Variants in SYNCRIP observed in about 807,000 individuals in gnomAD.
SYNCRIP encodes the protein heterogeneous nuclear ribonucleoprotein Q.
A neutral mutation model predicts 68.9 loss-of-function variants in SYNCRIP; 9 were observed. The ratio of observed to expected loss-of-function variants is 0.13; its 90% CI spans 0.08 to 0.23. The LOEUF is 0.23. Among genes scored for constraint, SYNCRIP ranks in the 10% least tolerant of loss-of-function variants. The pLI is 1.00. For missense variants in SYNCRIP, 414 were observed against 770.6 expected (o/e 0.54, Z 5.48); for synonymous variants, 258 against 254.0 (o/e 1.02, Z -0.15).
In SYNCRIP at chr6:85,637,598, T is replaced by C. The variant is rs1010982568; in HGVS notation, c.376-242A>G. ...TTCTAGTCTCCACTTAATTACTGAA[T>C]AGTGTGCTTAATGGACAACAAAAAG... On this transcript the variant is annotated intron_variant, in intron 4 of 10. Coordinates refer to ENST00000369622, the MANE Select transcript of SYNCRIP (RefSeq NM_006372.5). Among the ~76,000 whole-genome samples, 8 of 152,362 alleles carry C rather than the reference T, an allele frequency of 5.3e-5. No individual in the cohort carries two copies. In the South Asian group the frequency reaches 1.2e-3, roughly 24 times the overall value.
At chr6:85,638,719 C>CTT (rs1808775389) in intron 4 of SYNCRIP, among the ~76,000 whole-genome samples, 1 of 152,174 alleles carries the variant, frequency 6.6e-6, no homozygotes, top group African/African-American at 2.4e-5. Context: ...ATAACATAAA[C>CTT]TAAATGAGTA....
intron 6 of SYNCRIP, among the ~76,000 whole-genome samples, chr6:85,626,347 A>C (rs1329264041): frequency 6.6e-6 from 1 of 152,214 alleles, no homozygotes; most frequent in African/African-American, 2.4e-5. Context: ...TCATGCAATC[A>C]GTAATTCTAG....
At chr6:85,619,193 TA>T (rs1687630985) in intron 9 of SYNCRIP, 74 bp downstream of exon 9, 3 of 1,574,012 alleles carry the variant, frequency 1.9e-6, no homozygotes, top group Admixed American at 3.9e-5. Context: ...CTCCAATTTG[TA>T]AAACTATTTT....
chr6:85,624,445 A>G (rs1295438186), intron 6 of SYNCRIP, among the ~76,000 whole-genome samples: 1 of 152,230 alleles, frequency 6.6e-6, no homozygotes, highest in African/African-American at 2.4e-5. Context: ...AGGAAAACTG[A>G]TCCCAAGATC....
Position 85,622,699 on chromosome 6 carries a change from C to A in SYNCRIP, c.803-12G>T. 6.2e-7 allele frequency: 1 copy of A among 1,608,746 alleles called. No homozygotes were observed. The highest frequency in any genetic ancestry group is 8.5e-7 in the Non-Finnish European group (1 of 1,175,750). Reference sequence around the variant, plus strand: ...GTCTGTAAGACCCTCTGCAAGTAAGCAACCATTCCAGGAAAATTAGATGAA... The same window carrying A: ...GTCTGTAAGACCCTCTGCAAGTAAGAAACCATTCCAGGAAAATTAGATGAA... On this transcript the variant is annotated splice_polypyrimidine_tract_variant and intron_variant, in intron 7 of 10. Coordinates refer to ENST00000369622, the MANE Select transcript of SYNCRIP (RefSeq NM_006372.5).
chr6:85,625,650 T>C (rs752969586), intron 6 of SYNCRIP, among the ~76,000 whole-genome samples: 13 of 152,144 alleles, frequency 8.5e-5, no homozygotes, highest in Non-Finnish European at 1.6e-4. Flanking sequence ...CCTCCCAAAG[T>C]GCTGGGATTA....
chr6:85,632,443 G>T (rs190706795), intron 6 of SYNCRIP, among the ~76,000 whole-genome samples: 1 of 152,298 alleles, frequency 6.6e-6, no homozygotes, highest in Non-Finnish European at 1.5e-5. Context: ...AGCTTCCAAA[G>T]TATGCGCCCT....
chr6:85,641,234 A>C, intron 2 of SYNCRIP, 58 bp downstream of exon 2: 1 of 1,496,034 alleles, frequency 6.7e-7, no homozygotes, highest in South Asian at 1.2e-5. Context: ...TTTTAGCTCA[A>C]AGCCAGAAAT....
intron 8 of SYNCRIP, 111 bp downstream of exon 8, chr6:85,622,371 G>T: frequency 9.5e-7 from 1 of 1,051,270 alleles, no homozygotes; most frequent in Non-Finnish European, 1.4e-6. Context: ...AGAGACTCTT[G>T]TCTCAAAAAA....
chr6:85,619,164 C>T (rs1336509846), intron 9 of SYNCRIP, 104 bp downstream of exon 9: 1 of 1,483,778 alleles, frequency 6.7e-7, no homozygotes, highest in South Asian at 1.2e-5. Flanking sequence ...GAATGGATTC[C>T]ATGGACTTCC....
At chr6:85,623,562 C>CAAAAAAAAA (rs67258131) in intron 7 of SYNCRIP, among the ~76,000 whole-genome samples, 55 of 63,260 alleles carry the variant, frequency 8.7e-4, no homozygotes, top group South Asian at 1.3e-3. Context: ...AGACTGTCTC[C>CAAAAAAAAA]AAAAAAAAAA....
chr6:85,638,286 T>C (rs373149941), intron 4 of SYNCRIP, among the ~76,000 whole-genome samples: 74 of 144,676 alleles, frequency 5.1e-4, no homozygotes, highest in African/African-American at 1.7e-3. Context: ...GGCAGAGAAC[T>C]GCTTAAACGC....
downstream of SYNCRIP, chr6:85,613,068 A>C: frequency 2.1e-6 from 2 of 936,684 alleles, no homozygotes; most frequent in Middle Eastern, 3.5e-4. Flanking sequence ...TTTAATAACT[A>C]TGAACTTCTT....
downstream of SYNCRIP, among the ~76,000 whole-genome samples, chr6:85,613,409 C>T (rs1431028119): frequency 6.6e-6 from 1 of 152,134 alleles, no homozygotes; most frequent in Admixed American, 6.6e-5. Flanking sequence ...ACTTTATTGT[C>T]AGGTATAATA....
intron 6 of SYNCRIP, among the ~76,000 whole-genome samples, chr6:85,635,685 G>A (rs931433758): frequency 9.0e-5 from 13 of 145,144 alleles, no homozygotes; most frequent in Non-Finnish European, 1.5e-4. Flanking sequence ...CAGGAGAATC[G>A]CTTGAACCTG....
intron 1 of SYNCRIP, among the ~76,000 whole-genome samples, chr6:85,642,573 T>A (rs902754933): frequency 5.2e-4 from 79 of 151,928 alleles, no homozygotes; most frequent in African/African-American, 1.9e-3. Context: ...AGGCGCCTCC[T>A]CCCAAAGCGC....
intron 4 of SYNCRIP, among the ~76,000 whole-genome samples, 160 bp downstream of exon 4, chr6:85,640,061 G>A (rs1267781040): frequency 6.6e-6 from 1 of 151,984 alleles, no homozygotes; most frequent in Non-Finnish European, 1.5e-5. Flanking sequence ...AATTGCTTTA[G>A]AAACAAATAG....
At chr6:85,640,848 C>A (rs913346944) in intron 2 of SYNCRIP, among the ~76,000 whole-genome samples, 1 of 152,164 alleles carries the variant, frequency 6.6e-6, no homozygotes, top group South Asian at 2.1e-4. Context: ...TACAGACTTA[C>A]GAATCCTAGA....
At chr6:85,617,545 A>G (rs1341388036) in intron 10 of SYNCRIP, among the ~76,000 whole-genome samples, 1 of 152,262 alleles carries the variant, frequency 6.6e-6, no homozygotes, top group Non-Finnish European at 1.5e-5. Flanking sequence ...TCAAACCTAC[A>G]AAGTATATTT....
Sources: gnomAD v4.1 joint callset for allele counts (sites outside exome capture counted in the v4.1 genomes callset) on GRCh38, gnomAD v4.1.1 for gene constraint, MANE v1.5 for transcripts, NCBI Gene and HGNC (gene_info 2026-07-23, HGNC 2026-07-21) for gene names.